The following IL1RN variants were observed in gnomAD, a reference collection of about 807,000 sequenced individuals.
IL1RN encodes interleukin 1 receptor antagonist, also known as interleukin-1 receptor antagonist protein.
In IL1RN, 10 loss-of-function variants were observed where a neutral mutation model predicts 13.7. The ratio of observed to expected loss-of-function variants is 0.73; its 90% confidence interval spans 0.45 to 1.24. IL1RN has a LOEUF of 1.24. Ranked by LOEUF, IL1RN falls within the 50% of genes most tolerant of loss-of-function variation. The pLI, the probability that IL1RN is intolerant of heterozygous loss-of-function variation, is 0.00. For missense variants in IL1RN, 213 were observed against 222.1 expected, an observed-to-expected ratio of 0.96 and a Z score of 0.26; for synonymous variants, 102 against 82.7, an observed-to-expected ratio of 1.23 and a Z score of -1.27.
the IL1RN span, among the ~76,000 whole-genome samples, chr2:113,100,666 G>C: frequency 6.6e-6 from 1 of 152,214 alleles, no homozygotes; most frequent in East Asian, 1.9e-4. Context: ...CAGTTAGTAA[G>C]TGGTGCCGAC....
At chr2:113,112,909 T>C (rs1222523773), upstream of IL1RN, 1 of 152,244 alleles carries the variant, frequency 6.6e-6, no homozygotes, top group South Asian at 2.1e-4. Flanking sequence ...CAGGAAGGAC[T>C]CTTTTGTTAT....
upstream of IL1RN, among the ~76,000 whole-genome samples, chr2:113,114,945 G>C (rs1409376980): frequency 6.6e-6 from 1 of 152,138 alleles, no homozygotes; most frequent in East Asian, 1.9e-4. Context: ...CCTGAGGTGA[G>C]AGAAAGAGGT....
At chr2:113,125,259 A>G (rs1392817428), upstream of IL1RN, among the ~76,000 whole-genome samples, 1 of 152,266 alleles carries the variant, frequency 6.6e-6, no homozygotes, top group Non-Finnish European at 1.5e-5. Flanking sequence ...TTTAAACGCT[A>G]ATATTCAACA....
upstream of IL1RN, among the ~76,000 whole-genome samples, chr2:113,126,766 C>A (rs568901057): frequency 3.6e-4 from 55 of 151,748 alleles, 1 homozygote; most frequent in South Asian, 9.8e-3. Context: ...GAGACAGAGG[C>A]TCAACTAATG....
the IL1RN span, among the ~76,000 whole-genome samples, chr2:113,099,550 G>A: frequency 1.3e-5 from 2 of 152,162 alleles, no homozygotes; most frequent in East Asian, 1.9e-4. Context: ...GTGGCAATCC[G>A]CCTCCTTCAA....
chr2:113,121,478 G>A (rs1024589329), intron 2 of IL1RN: 14 of 985,322 alleles, frequency 1.4e-5, no homozygotes, highest in Non-Finnish European at 1.3e-5. Flanking sequence ...TCAAAGCCAA[G>A]AAGGCAAGAG....
At chr2:113,114,532 A>AG (rs1434714321), upstream of IL1RN, among the ~76,000 whole-genome samples, 3 of 152,158 alleles carry the variant, frequency 2.0e-5, no homozygotes, top group African/African-American at 7.2e-5. Context: ...CAGGTTAAGA[A>AG]GAGTCTATAT....
intron 1 of IL1RN, among the ~76,000 whole-genome samples, chr2:113,112,360 T>C (rs902372407): frequency 6.6e-5 from 10 of 152,164 alleles, no homozygotes; most frequent in African/African-American, 4.8e-5. Flanking sequence ...CCAAAAAGTA[T>C]ACAATGTAAG....
At chr2:113,131,223 T>G in intron 3 of IL1RN, 66 bp downstream of exon 3, 1 of 945,494 alleles carries the variant, frequency 1.1e-6, no homozygotes, top group South Asian at 1.3e-5. Context: ...CAAAATTTTT[T>G]CTTATGATTC....
upstream of IL1RN, among the ~76,000 whole-genome samples, chr2:113,126,615 A>T (rs1201173006): frequency 1.3e-5 from 2 of 152,152 alleles, no homozygotes; most frequent in Non-Finnish European, 2.9e-5. Context: ...AAGGAAGTTA[A>T]TGTGTATCAG....
At chr2:113,123,332 C>T (rs1558865359), upstream of IL1RN, among the ~76,000 whole-genome samples, 1 of 152,178 alleles carries the variant, frequency 6.6e-6, no homozygotes, top group Non-Finnish European at 1.5e-5. Context: ...GCCCTTTACT[C>T]CTGGGGACAT....
upstream of IL1RN, among the ~76,000 whole-genome samples, chr2:113,104,628 T>C (rs1686362070): frequency 6.6e-6 from 1 of 152,220 alleles, no homozygotes; most frequent in Non-Finnish European, 1.5e-5. Flanking sequence ...CTTTAGTTTC[T>C]ATGTATGGTG....
chr2:113,104,618 C>T, upstream of IL1RN, among the ~76,000 whole-genome samples: 1 of 152,120 alleles, frequency 6.6e-6, no homozygotes, highest in East Asian at 1.9e-4. Flanking sequence ...CAACACCTCC[C>T]TTTAGTTTCT....
chr2:113,102,772 T>A (rs1686333669), upstream of IL1RN, among the ~76,000 whole-genome samples: 1 of 152,062 alleles, frequency 6.6e-6, no homozygotes. Flanking sequence ...GGAAAAGGAA[T>A]TTCACAAGGT....
chr2:113,120,821 C>T (rs976873631), intron 2 of IL1RN, among the ~76,000 whole-genome samples: 1 of 152,108 alleles, frequency 6.6e-6, no homozygotes, highest in African/African-American at 2.4e-5. Context: ...TTATGTTAAC[C>T]ATGCAATGAA....
intron 3 of IL1RN, among the ~76,000 whole-genome samples, chr2:113,131,859 C>A (rs1182821950): frequency 6.6e-6 from 1 of 152,170 alleles, no homozygotes; most frequent in Non-Finnish European, 1.5e-5. Flanking sequence ...GCAAGCTTAA[C>A]CTCAATGTGA....
At chr2:113,100,443 CAAGGGGAGG>C in the IL1RN span, among the ~76,000 whole-genome samples, 6 of 152,072 alleles carry the variant, frequency 3.9e-5, no homozygotes, top group Non-Finnish European at 8.8e-5. Context: ...CAGCAAATGA[CAAGGGGAGG>C]ACAGGAGTCT....
the IL1RN span, among the ~76,000 whole-genome samples, chr2:113,101,848 A>G: frequency 6.6e-6 from 1 of 151,906 alleles, no homozygotes; most frequent in Non-Finnish European, 1.5e-5. Flanking sequence ...GCTCACTGCA[A>G]CCTCCACCTC....
chr2:113,118,490 A>G (rs4251972), intron 1 of IL1RN, among the ~76,000 whole-genome samples: 31,878 of 152,232 alleles, frequency 0.21, 4,103 homozygotes, highest in South Asian at 0.28. Flanking sequence ...GGCTTGGCAC[A>G]GTCAGTTCCA....
Sources: allele counts gnomAD v4.1 joint callset (sites outside exome capture counted in the v4.1 genomes callset), GRCh38; gene constraint gnomAD v4.1.1; transcripts MANE v1.5; gene names NCBI Gene and HGNC (gene_info 2026-07-23, HGNC 2026-07-21).